Variants in PKP1 observed in about 807,000 individuals in gnomAD.
The protein encoded by PKP1 is plakophilin-1.
PKP1 carries 27 observed loss-of-function variants against 76.4 expected under a neutral mutation model. The ratio of observed to expected loss-of-function variants is 0.35; its 90% CI spans 0.26 to 0.49. The LOEUF (loss-of-function observed/expected upper bound fraction) is 0.49. PKP1 is among the 20% of genes least tolerant of loss of function. PKP1 has a pLI of 0.99. For missense variants in PKP1, 964 were observed against 955.2 expected (o/e 1.01, Z -0.12); for synonymous variants, 404 against 384.2 (o/e 1.05, Z -0.60).
chr1:201,324,604 C>A, intron 10 of PKP1, 23 bp downstream of exon 10: 1 of 1,613,530 alleles, frequency 6.2e-7, no homozygotes, highest in Non-Finnish European at 8.5e-7. Flanking sequence ...TCTCTCCTCC[C>A]CCTCTAGCTA....
intron 13 of PKP1, among the ~76,000 whole-genome samples, chr1:201,329,114 A>C (rs1657234995): frequency 6.6e-6 from 1 of 152,180 alleles, no homozygotes; most frequent in African/African-American, 2.4e-5. Context: ...CAGGACTGCT[A>C]GGTACAAATG....
chr1:201,305,439 C>A (rs1656344795), intron 2 of PKP1, among the ~76,000 whole-genome samples: 1 of 152,196 alleles, frequency 6.6e-6, no homozygotes, highest in African/African-American at 2.4e-5. Flanking sequence ...ATTGTTTCAG[C>A]CCAGGAGGTC....
chr1:201,299,715 C>T (rs1656170440), intron 2 of PKP1, among the ~76,000 whole-genome samples: 1 of 152,200 alleles, frequency 6.6e-6, no homozygotes, highest in Non-Finnish European at 1.5e-5. Context: ...AGTTAGTTAG[C>T]CCTTGCAACA....
At chr1:201,303,424 A>G (rs745699926) in intron 2 of PKP1, among the ~76,000 whole-genome samples, 1 of 152,184 alleles carries the variant, frequency 6.6e-6, no homozygotes, top group African/African-American at 2.4e-5. Context: ...CACCATGCCC[A>G]GCTATTCCAA....
rs902151577 is a variant in PKP1, at chr1:201,330,928, A to G, written c.*887A>G. On this transcript the variant is annotated 3_prime_UTR_variant, in exon 14 of 14. Coordinates refer to ENST00000367324, the MANE Select transcript of PKP1 (RefSeq NM_001005337.3). ...AGGCCCTGCATTCAGAGGTCTTGTA[A>G]TCTACTTGTTGCAGGAGAAAGAAGG... 3.9e-5 allele frequency: 6 copies of G among 152,274 alleles called. No individual in the cohort carries two copies. Among genetic ancestry groups the G allele is most frequent in the African/African-American group, 1.4e-4 (6 of 41,468 alleles). The allele number at this position is 152,274 out of a possible 1,614,324, so 9.4% of individuals were successfully genotyped here.
intron 5 of PKP1, 113 bp downstream of exon 5, chr1:201,317,892 G>A: frequency 1.1e-5 from 11 of 1,043,688 alleles, no homozygotes; most frequent in Non-Finnish European, 1.6e-5. Flanking sequence ...ACACAGCTGT[G>A]CAGATTTGGC....
At chr1:201,302,766 C>T (rs1006091891) in intron 2 of PKP1, among the ~76,000 whole-genome samples, 6 of 152,238 alleles carry the variant, frequency 3.9e-5, no homozygotes, top group African/African-American at 1.4e-4. Flanking sequence ...CTCCCGCCCC[C>T]ACAGCGTGCC....
Position 201,313,312 on chromosome 1 carries a change from G to A in PKP1, c.453G>A (p.Lys151=), listed in dbSNP as rs149029415. The change falls in exon 3 of 14, where the codon AAG becomes AAA. Residue 151 remains lysine (K), a synonymous_variant. Coordinates refer to ENST00000367324, the MANE Select transcript of PKP1 (RefSeq NM_001005337.3). The part of the protein sequence containing the change: ...GSDICFMQKI[K]ASRSEPDLYC... ...ACATCTGCTTCATGCAGAAAATCAAGGCGAGCCGCAGTGAGCCCGACCTCT... is the reference window on the plus strand; with the variant it reads ...ACATCTGCTTCATGCAGAAAATCAAAGCGAGCCGCAGTGAGCCCGACCTCT... The A allele has an allele frequency of 2.5e-6, 4 of 1,597,146 alleles. No homozygotes were observed. In the African/African-American group the frequency reaches 5.4e-5, roughly 21 times the overall value.
Position 201,322,181 on chromosome 1 carries a change from C to T in PKP1, c.1503+48C>T, listed in dbSNP as rs748634004. The stretch of plus-strand genomic sequence containing the variant: ...GGGGCCTGCCCCATCAAGCACCCCC[C>T]CAGGAGCCACTGCCTCATCTGCCCT... On this transcript the variant is annotated intron_variant, in intron 8 of 13. Coordinates refer to ENST00000367324, the MANE Select transcript of PKP1 (RefSeq NM_001005337.3). 4 of 1,590,942 alleles carry T rather than the reference C, an allele frequency of 2.5e-6. No homozygotes were observed. In the East Asian group the frequency reaches 6.7e-5, roughly 27 times the overall value.
At chr1:201,307,191 C>T (rs1267989803) in intron 2 of PKP1, among the ~76,000 whole-genome samples, 2 of 152,098 alleles carry the variant, frequency 1.3e-5, no homozygotes, top group Non-Finnish European at 2.9e-5. Context: ...CCTTTGAGGA[C>T]CCACAGTGAG....
At chr1:201,293,561 G>T (rs1487379624) in intron 1 of PKP1, among the ~76,000 whole-genome samples, 7 of 152,204 alleles carry the variant, frequency 4.6e-5, no homozygotes, top group Non-Finnish European at 1.0e-4. Flanking sequence ...TCTCCCCTGA[G>T]TGGGAATCTT....
chr1:201,324,656 C>T (rs778516158), intron 10 of PKP1, 75 bp downstream of exon 10: 8 of 1,539,498 alleles, frequency 5.2e-6, no homozygotes, highest in Non-Finnish European at 7.2e-6. Context: ...GCTTGAAGGT[C>T]ATCCTTTAAG....
At position 201,331,803 on chromosome 1, in the gene PKP1, G is replaced by A. The variant is rs966208002; in HGVS notation, c.*1762G>A. On this transcript the variant is annotated 3_prime_UTR_variant, in exon 14 of 14. Transcript: ENST00000367324. Reference sequence around the variant, plus strand: ...AGCCAGCTGTGCTGTGGTGCTGTGGGTCTGTCATACCCTCCCTTGCTTCTG... The same window carrying A: ...AGCCAGCTGTGCTGTGGTGCTGTGGATCTGTCATACCCTCCCTTGCTTCTG... 1 of 152,244 alleles carries A rather than the reference G, an allele frequency of 6.6e-6. No homozygotes were observed. Among genetic ancestry groups the A allele is most frequent in the African/African-American group, 2.4e-5 (1 of 41,436 alleles). The allele number at this position is 152,244 out of a possible 1,614,324, so 9.4% of individuals were successfully genotyped here.
chr1:201,294,938 A>C (rs182419585), intron 2 of PKP1, among the ~76,000 whole-genome samples: 1 of 152,338 alleles, frequency 6.6e-6, no homozygotes, highest in African/African-American at 2.4e-5. Flanking sequence ...GATGACACCC[A>C]AGGTTTCTCC....
chr1:201,325,961 A>G lies in PKP1; in HGVS notation c.2106+123A>G, dbSNP rs113441807. 1.8e-5 allele frequency: 13 copies of G among 714,716 alleles called. 1 individual carries two copies. The highest frequency in any genetic ancestry group is 1.0e-4 in the African/African-American group (6 of 57,312). 44.3% of individuals were successfully genotyped at this position (714,716 alleles called of 1,614,324 possible). ...CCCCTGCCCTTCGGGACAGTCTGAGAGACAAAGACAGCGTCTACGTGAAAA... is the reference window on the plus strand; with the variant it reads ...CCCCTGCCCTTCGGGACAGTCTGAGGGACAAAGACAGCGTCTACGTGAAAA... On this transcript the variant is annotated intron_variant, in intron 12 of 13. Coordinates refer to ENST00000367324, the MANE Select transcript of PKP1 (RefSeq NM_001005337.3).
In PKP1 at chr1:201,317,582, TG is replaced by T; in HGVS notation, c.860del (p.Gly287GlufsTer52). 1 of 1,613,852 alleles carries T rather than the reference TG, an allele frequency of 6.2e-7. No homozygotes were observed. ...ACTCTTTCCTGGCAGGTCTATCAGC[TG>T]GGAGGCATCTGCAAGCTGGTGGACC... ...DESAKQQVYQ[L>X]GGICKLVDLL... is the part of the protein sequence containing the mutation. On this transcript the variant is annotated frameshift_variant, in exon 5 of 14. Coordinates refer to ENST00000367324, the MANE Select transcript of PKP1 (RefSeq NM_001005337.3). LOFTEE classifies it high-confidence loss of function.
intron 1 of PKP1, among the ~76,000 whole-genome samples, chr1:201,285,785 G>A (rs911443179): frequency 7.2e-5 from 11 of 152,238 alleles, no homozygotes; most frequent in Admixed American, 7.2e-4. Flanking sequence ...CACTTTCTGG[G>A]CTTGGTCTTT....
chr1:201,328,430 T>C (rs1246999810), intron 12 of PKP1: 2 of 392,552 alleles, frequency 5.1e-6, no homozygotes, highest in African/African-American at 4.1e-5. Flanking sequence ...GGAAGAACAA[T>C]TGACAGCTTC....
In PKP1 at chr1:201,308,212, C is replaced by T. The variant is rs540942597; in HGVS notation, c.307-4954C>T. 2.6e-5 allele frequency among the ~76,000 whole-genome samples: 4 copies of T among 152,372 alleles called. 1 individual carries two copies. The South Asian group carries it at 8.3e-4, about 32-fold the overall frequency. On this transcript the variant is annotated intron_variant, in intron 2 of 13. Transcript: ENST00000367324. The stretch of plus-strand genomic sequence containing the variant: ...TGCCGTGCACCGGCACAGGCTGCCT[C>T]ACCCTGCCTAGAACGGCCCTACCTA...
Sources: allele counts gnomAD v4.1 joint callset (sites outside exome capture counted in the v4.1 genomes callset), GRCh38; gene constraint gnomAD v4.1.1; transcripts MANE v1.5; gene names NCBI Gene and HGNC (gene_info 2026-07-23, HGNC 2026-07-21).